Variants in RBM20 observed in about 807,000 individuals in gnomAD.
RBM20 encodes the protein RNA binding motif protein 20.
In RBM20, 51 loss-of-function variants were observed where a neutral mutation model predicts 110.1. That is an observed-to-expected ratio of 0.46 (90% CI 0.37 to 0.59). The LOEUF (loss-of-function observed/expected upper bound fraction) is 0.59, where lower values mean the gene tolerates loss of function less well. RBM20 is among the 20% of genes least tolerant of loss of function. The probability of loss-of-function intolerance (pLI) is 0.00; values close to 1 mark genes in which losing one functional copy is unlikely to be tolerated. For missense variants in RBM20, 1,512 were observed against 1,574.9 expected, an observed-to-expected ratio of 0.96 and a Z score of 0.68; for synonymous variants, 589 against 618.2, an observed-to-expected ratio of 0.95 and a Z score of 0.70.
At chr10:110,716,835 G>A (rs1863025236) in intron 1 of RBM20, among the ~76,000 whole-genome samples, 1 of 151,674 alleles carries the variant, frequency 6.6e-6, no homozygotes, top group Non-Finnish European at 1.5e-5. Context: ...AAGAATGGCG[G>A]GAACCTGGGA....
intron 1 of RBM20, among the ~76,000 whole-genome samples, chr10:110,676,344 A>G (rs1403223748): frequency 2.0e-5 from 3 of 152,208 alleles, no homozygotes; most frequent in Admixed American, 1.3e-4. Context: ...AGAAAAATAG[A>G]TATTTGGAAG....
At chr10:110,744,240 T>A (rs1354243877) in intron 1 of RBM20, among the ~76,000 whole-genome samples, 1 of 152,190 alleles carries the variant, frequency 6.6e-6, no homozygotes, top group Non-Finnish European at 1.5e-5. Context: ...GCACAGTGCC[T>A]GGCACACAGT....
chr10:110,764,663 G>T (rs11195314), intron 1 of RBM20, among the ~76,000 whole-genome samples: 1 of 152,074 alleles, frequency 6.6e-6, no homozygotes, highest in East Asian at 1.9e-4. Context: ...TTCCAGACTC[G>T]AGAGAGTTTG....
At chr10:110,779,662 C>T (rs1402873733) in intron 1 of RBM20, among the ~76,000 whole-genome samples, 1 of 152,134 alleles carries the variant, frequency 6.6e-6, no homozygotes, top group Non-Finnish European at 1.5e-5. Context: ...CTGACGCTTT[C>T]CCCAGGTAGT....
intron 1 of RBM20, among the ~76,000 whole-genome samples, chr10:110,714,631 C>T (rs1862988955): frequency 6.6e-6 from 1 of 152,262 alleles, no homozygotes. Context: ...CAGGAACAGC[C>T]TCTGGGAGCT....
chr10:110,824,621 G>T (rs1844960457), intron 12 of RBM20, among the ~76,000 whole-genome samples: 2 of 152,168 alleles, frequency 1.3e-5, no homozygotes, highest in Admixed American at 1.3e-4. Flanking sequence ...ACCTAGGAAT[G>T]AATCCCTTTT....
intron 1 of RBM20, among the ~76,000 whole-genome samples, chr10:110,669,289 T>G (rs1371071958): frequency 2.0e-5 from 3 of 152,046 alleles, no homozygotes; most frequent in Non-Finnish European, 4.4e-5. Context: ...CAAGTCTGTA[T>G]GCGTGTGGCG....
At chr10:110,826,099 T>C (rs1844977095) in intron 12 of RBM20, among the ~76,000 whole-genome samples, 1 of 152,244 alleles carries the variant, frequency 6.6e-6, no homozygotes, top group Non-Finnish European at 1.5e-5. Context: ...TAATTGCTAC[T>C]AAATTGCACT....
At chr10:110,646,939 C>A (rs1052191695) in intron 1 of RBM20, among the ~76,000 whole-genome samples, 19 of 152,146 alleles carry the variant, frequency 1.2e-4, no homozygotes, top group African/African-American at 4.6e-4. Flanking sequence ...TATTAGAGAA[C>A]CTCTATTTTT....
chr10:110,738,487 G>A (rs1335404296), intron 1 of RBM20, among the ~76,000 whole-genome samples: 1 of 152,172 alleles, frequency 6.6e-6, no homozygotes, highest in East Asian at 1.9e-4. Flanking sequence ...TCAGGCAGTT[G>A]GTCAGGCTGT....
At chr10:110,786,707 G>A (rs1844423390) in intron 5 of RBM20, among the ~76,000 whole-genome samples, 1 of 152,238 alleles carries the variant, frequency 6.6e-6, no homozygotes, top group East Asian at 1.9e-4. Flanking sequence ...CTGGTAACAT[G>A]ACCTTGTGTC....
chr10:110,822,278 C>T, intron 11 of RBM20: 1 of 422,434 alleles, frequency 2.4e-6, no homozygotes, highest in Non-Finnish European at 4.4e-6. Flanking sequence ...GAGCCTCGTG[C>T]CTGCACAGCA....
chr10:110,801,824 C>T (rs769293570), intron 7 of RBM20, among the ~76,000 whole-genome samples: 46 of 151,386 alleles, frequency 3.0e-4, no homozygotes, highest in Non-Finnish European at 4.3e-4. Context: ...GGATTACAAG[C>T]GTGAACCACC....
Position 110,781,165 on chromosome 10 carries a change from C to T in RBM20, c.556C>T (p.Leu186Phe). 1 of 1,551,726 alleles carries T rather than the reference C, an allele frequency of 6.4e-7. No individual in the cohort carries two copies. The highest frequency in any genetic ancestry group is 2.4e-5 in the East Asian group (1 of 40,928). Reference sequence around the variant, plus strand: ...ACGAGGCCCCGGACCCTCCATGAACCTTCCCAACCAGCCACCCAGTGCCAT... The same window carrying T: ...ACGAGGCCCCGGACCCTCCATGAACTTTCCCAACCAGCCACCCAGTGCCAT... ...QTRGPGPSMNLPNQPPSAMVM... is the reference protein window; with the variant it reads ...QTRGPGPSMNFPNQPPSAMVM... Residue 186 changes from leucine (L) to phenylalanine (F), a missense_variant, in exon 2 of 14, where the codon CTT (leucine) becomes TTT (phenylalanine). Physicochemically the swap from Leu to Phe is conservative, Grantham distance 22. Coordinates refer to ENST00000369519, the MANE Select transcript of RBM20 (RefSeq NM_001134363.3).
At chr10:110,713,144 A>G (rs1040968312) in intron 1 of RBM20, among the ~76,000 whole-genome samples, 3 of 152,222 alleles carry the variant, frequency 2.0e-5, no homozygotes, top group Non-Finnish European at 4.4e-5. Flanking sequence ...ATTGACATAC[A>G]TACAGGCTTG....
chr10:110,757,407 T>C (rs1404816717), intron 1 of RBM20, among the ~76,000 whole-genome samples: 1 of 152,202 alleles, frequency 6.6e-6, no homozygotes, highest in Non-Finnish European at 1.5e-5. Context: ...CCCTTGCCAT[T>C]CAAATTTTAA....
chr10:110,823,695 C>T (rs1844946916), intron 12 of RBM20, 81 bp downstream of exon 12: 1 of 1,452,994 alleles, frequency 6.9e-7, no homozygotes, highest in Admixed American at 2.3e-5. Context: ...CTTGAGAGAG[C>T]TTTTTGGCAT....
At chr10:110,703,293 G>A (rs1159035284) in intron 1 of RBM20, among the ~76,000 whole-genome samples, 1 of 151,398 alleles carries the variant, frequency 6.6e-6, no homozygotes, top group African/African-American at 2.4e-5. Context: ...CAGGACAATC[G>A]CTTGACCCCA....
chr10:110,664,759 T>A (rs1052479162), intron 1 of RBM20, among the ~76,000 whole-genome samples: 4 of 151,926 alleles, frequency 2.6e-5, no homozygotes, highest in African/African-American at 9.7e-5. Flanking sequence ...AAAAATTTTT[T>A]AAAAAAGAAA....
Sources: gnomAD v4.1 joint callset for allele counts (sites outside exome capture counted in the v4.1 genomes callset) on GRCh38, gnomAD v4.1.1 for gene constraint, MANE v1.5 for transcripts, NCBI Gene and HGNC (gene_info 2026-07-23, HGNC 2026-07-21) for gene names.